Variants in ATP10B observed in about 807,000 individuals in gnomAD.
ATP10B encodes the protein phospholipid-transporting ATPase VB.
ATP10B carries 122 observed loss-of-function variants against 141.2 expected under a neutral mutation model. That is an observed-to-expected ratio of 0.86 (90% CI 0.75 to 1.00). The LOEUF (loss-of-function observed/expected upper bound fraction) is 1.00. ATP10B is among the 50% of genes least tolerant of loss of function. The pLI is 0.00. For synonymous variants in ATP10B, 685 were observed against 692.0 expected (o/e 0.99, Z 0.16); for missense variants, 1,876 against 1,825.3 (o/e 1.03, Z -0.51).
chr5:160,733,975 G>T (rs1473598904), intron 2 of ATP10B, among the ~76,000 whole-genome samples: 4 of 151,380 alleles, frequency 2.6e-5, no homozygotes, highest in African/African-American at 9.7e-5. Flanking sequence ...ACCACCGGTG[G>T]TGCATGCCTG....
At chr5:160,914,823 C>G in the ATP10B span, among the ~76,000 whole-genome samples, 1 of 152,294 alleles carries the variant, frequency 6.6e-6, no homozygotes, top group East Asian at 1.9e-4. Context: ...CTCAGTGCTC[C>G]ATTTCAAAGG....
chr5:160,839,436 A>T (rs964220904), intron 1 of ATP10B, among the ~76,000 whole-genome samples: 1 of 152,186 alleles, frequency 6.6e-6, no homozygotes, highest in African/African-American at 2.4e-5. Flanking sequence ...AGGGGTAGCC[A>T]TTGAAAGCTT....
At chr5:160,841,627 C>T (rs959948936) in intron 1 of ATP10B, among the ~76,000 whole-genome samples, 2 of 152,106 alleles carry the variant, frequency 1.3e-5, no homozygotes, top group Non-Finnish European at 2.9e-5. Flanking sequence ...AAATAAATAA[C>T]ATAACCTCAC....
chr5:160,878,466 G>A, the ATP10B span, among the ~76,000 whole-genome samples: 1 of 152,158 alleles, frequency 6.6e-6, no homozygotes, highest in Non-Finnish European at 1.5e-5. Context: ...TCAGGACATA[G>A]GCATGGGCAA....
In ATP10B at chr5:160,708,194, G is replaced by T. The variant is rs557300276; in HGVS notation, c.-205+8715C>A. ...GCAACATTTTTAGGGTGTCGTTGAG[G>T]TTTTGTTGTCTGATTTTTAAAACAA... is the stretch of plus-strand genomic sequence containing the variant. On this transcript the variant is annotated intron_variant, in intron 3 of 25. Coordinates refer to ENST00000327245, the MANE Select transcript of ATP10B (RefSeq NM_025153.3). Among the ~76,000 whole-genome samples, 7 of 152,248 alleles carry T rather than the reference G, an allele frequency of 4.6e-5. No homozygotes were observed. In the East Asian group the frequency reaches 1.4e-3, roughly 29 times the overall value.
At chr5:160,729,858 C>T (rs1040008280) in intron 2 of ATP10B, among the ~76,000 whole-genome samples, 19 of 151,996 alleles carry the variant, frequency 1.3e-4, no homozygotes, top group African/African-American at 3.6e-4. Context: ...AATCAGAGCC[C>T]GGACAGCCTT....
intron 6 of ATP10B, chr5:160,685,030 C>A (rs902214676): frequency 5.7e-6 from 4 of 703,534 alleles, no homozygotes; most frequent in Admixed American, 4.0e-5. Context: ...ATTGGCAAAC[C>A]GGTGTAGCTG....
At chr5:160,664,693 T>C (rs944269561) in intron 7 of ATP10B, among the ~76,000 whole-genome samples, 1 of 152,156 alleles carries the variant, frequency 6.6e-6, no homozygotes, top group African/African-American at 2.4e-5. Context: ...AAGTGGCTAG[T>C]CCGCAGATCA....
At chr5:160,879,799 C>A in the ATP10B span, among the ~76,000 whole-genome samples, 6 of 152,270 alleles carry the variant, frequency 3.9e-5, no homozygotes, top group African/African-American at 1.4e-4. Context: ...GATGGCGCCA[C>A]TGCACTCCAG....
chr5:160,894,722 G>T, the ATP10B span, among the ~76,000 whole-genome samples: 1 of 152,042 alleles, frequency 6.6e-6, no homozygotes, highest in Non-Finnish European at 1.5e-5. Flanking sequence ...GATATTCCTC[G>T]AGAAGAGCAA....
At chr5:160,774,110 G>A (rs1770105819) in intron 2 of ATP10B, among the ~76,000 whole-genome samples, 1 of 152,164 alleles carries the variant, frequency 6.6e-6, no homozygotes, top group Non-Finnish European at 1.5e-5. Flanking sequence ...TGAGGATGAT[G>A]TTTTCTTCTG....
chr5:160,638,057 C>A (rs1347445708), intron 10 of ATP10B, among the ~76,000 whole-genome samples: 1 of 152,140 alleles, frequency 6.6e-6, no homozygotes, highest in African/African-American at 2.4e-5. Flanking sequence ...AGGGCCAGGG[C>A]AGAGTATTCT....
chr5:160,606,259 C>T (rs1247503766), intron 19 of ATP10B, among the ~76,000 whole-genome samples: 1 of 152,160 alleles, frequency 6.6e-6, no homozygotes, highest in Non-Finnish European at 1.5e-5. Flanking sequence ...CCAATGCTAG[C>T]ATCTATTGGT....
At chr5:160,673,748 G>A (rs555913396) in intron 6 of ATP10B, among the ~76,000 whole-genome samples, 4 of 152,056 alleles carry the variant, frequency 2.6e-5, no homozygotes, top group South Asian at 2.1e-4. Context: ...CAAACACCTC[G>A]TGGTCTCTCT....
intron 1 of ATP10B, among the ~76,000 whole-genome samples, chr5:160,797,394 G>A (rs145398456): frequency 2.6e-4 from 39 of 152,270 alleles, no homozygotes; most frequent in Non-Finnish European, 3.4e-4. Flanking sequence ...GAGACCACTA[G>A]CTTTGCTAAA....
chr5:160,752,046 C>CT (rs1446483453), intron 2 of ATP10B, among the ~76,000 whole-genome samples: 2 of 151,988 alleles, frequency 1.3e-5, no homozygotes, highest in African/African-American at 4.8e-5. Flanking sequence ...ATTTTTGACT[C>CT]TAAGTAGGGC....
intron 2 of ATP10B, among the ~76,000 whole-genome samples, chr5:160,754,352 G>A (rs939324256): frequency 9.9e-5 from 15 of 152,112 alleles, no homozygotes; most frequent in Non-Finnish European, 1.9e-4. Flanking sequence ...TGGTCTTTAT[G>A]TGGCTCAGGA....
chr5:160,892,394 G>C, the ATP10B span, among the ~76,000 whole-genome samples: 354 of 152,292 alleles, frequency 2.3e-3, 4 homozygotes, highest in African/African-American at 8.1e-3. Context: ...ACGTCCCCAG[G>C]CTTCTGTTTT....
intron 6 of ATP10B, among the ~76,000 whole-genome samples, chr5:160,683,120 C>T (rs1386132834): frequency 1.3e-5 from 2 of 149,644 alleles, no homozygotes; most frequent in African/African-American, 4.9e-5. Context: ...ACCGCTTTTT[C>T]AAAGGAAGGC....
Sources: allele counts gnomAD v4.1 joint callset (sites outside exome capture counted in the v4.1 genomes callset), GRCh38; gene constraint gnomAD v4.1.1; transcripts MANE v1.5; gene names NCBI Gene and HGNC (gene_info 2026-07-23, HGNC 2026-07-21).